Variants in PHEX observed in about 807,000 individuals in gnomAD.
PHEX encodes phosphate-regulating neutral endopeptidase PHEX.
Under a neutral mutation model 68.0 loss-of-function variants are expected in PHEX, and 16 were observed. That is an observed-to-expected ratio of 0.24 (90% CI 0.16 to 0.36). The LOEUF (loss-of-function observed/expected upper bound fraction) is 0.36, where lower values mean the gene tolerates loss of function less well. Ranked by LOEUF, PHEX falls within the 10% of genes least tolerant of loss-of-function variation. PHEX has a pLI of 1.00. For missense variants in PHEX, 480 were observed against 575.5 expected (o/e 0.83, Z 1.70); for synonymous variants, 208 against 205.1 (o/e 1.01, Z -0.12).
In PHEX at chrX:22,099,072, A is replaced by G. The variant is rs1273053106; in HGVS notation, c.1000A>G (p.Ser334Gly). 28 of 1,203,933 alleles carry G rather than the reference A, an allele frequency of 2.3e-5. No homozygotes were observed. Among genetic ancestry groups the G allele is most frequent in the Non-Finnish European group, 3.0e-5 (27 of 890,135 alleles). ...ACTCTACCCCCATCTGAAAGACATC[A>G]GCCCCTCCGAGAATGTGGTGGTCCG... ...TRLYPHLKDI[S>G]PSENVVVRVP... The change falls in exon 9 of 22, where the codon AGC (serine) becomes GGC (glycine). Residue 334 changes from serine to glycine, a missense_variant. Coordinates refer to ENST00000379374, the MANE Select transcript of PHEX (RefSeq NM_000444.6).
At chrX:22,224,995 C>T (rs1569433294) in intron 18 of PHEX, among the ~76,000 whole-genome samples, 19 of 3,028 alleles carry the variant, frequency 6.3e-3, no homozygotes, top group East Asian at 0.016. Context: ...CTCTGTATGT[C>T]AGAAGTCTGA....
Position 22,032,913 on chromosome X carries a change from A to G in PHEX, c.-93A>G. On this transcript the variant is annotated 5_prime_UTR_variant, in exon 1 of 22. Coordinates refer to ENST00000379374, the MANE Select transcript of PHEX (RefSeq NM_000444.6). ...TAAGCTGTCCATTAGTAGAAGAGCAAGAAAGCCTTGGATGTCAACGCCTCG... is the reference window on the plus strand; with the variant it reads ...TAAGCTGTCCATTAGTAGAAGAGCAGGAAAGCCTTGGATGTCAACGCCTCG... 1.6e-6 allele frequency: 1 copy of G among 644,025 alleles called. No individual in the cohort carries two copies. Among genetic ancestry groups the G allele is most frequent in the East Asian group, 3.2e-5 (1 of 31,101 alleles). 53.1% of individuals were successfully genotyped at this position (644,025 alleles called of 1,213,427 possible). A position where few individuals can be genotyped will look rare whatever the true frequency, so the allele number is the denominator to read the frequency against.
intron 5 of PHEX, among the ~76,000 whole-genome samples, chrX:22,089,207 A>C (rs1929752818): frequency 9.0e-6 from 1 of 110,864 alleles, no homozygotes; most frequent in South Asian, 3.8e-4. Context: ...TTTTTAGTAG[A>C]GACTGGGTTT....
chrX:22,115,704 T>C (rs1236835620), intron 11 of PHEX, among the ~76,000 whole-genome samples: 2 of 112,338 alleles, frequency 1.8e-5, no homozygotes, highest in East Asian at 5.6e-4. Flanking sequence ...TGTCTTTCTG[T>C]GCCTGGCTTA....
chrX:22,078,826 G>A (rs1929269001), intron 5 of PHEX, among the ~76,000 whole-genome samples: 1 of 111,638 alleles, frequency 9.0e-6, no homozygotes, highest in Non-Finnish European at 1.9e-5. Flanking sequence ...GTTAGACAAT[G>A]GAATTCTCAG....
intron 18 of PHEX, 80 bp downstream of exon 18, chrX:22,221,823 G>T: frequency 1.1e-6 from 1 of 905,762 alleles, no homozygotes; most frequent in Non-Finnish European, 1.6e-6. Context: ...TAAACCATTG[G>T]TTCTCAAAGC....
intron 1 of PHEX, among the ~76,000 whole-genome samples, chrX:22,036,657 A>G (rs1263424296): frequency 1.8e-5 from 2 of 110,448 alleles, no homozygotes; most frequent in East Asian, 5.7e-4. Flanking sequence ...ATTCCCCCTG[A>G]GGTTCTGCCA....
In PHEX at chrX:22,052,328, A is replaced by G. The variant is rs142019169; in HGVS notation, c.349+5117A>G. ...CTGCAACCTCTGCCTTTTGGGTTCA[A>G]GTGTTTCTCATGCCTCAGCCTCCCA... On this transcript the variant is annotated intron_variant, in intron 3 of 21. Transcript: ENST00000379374. Among the ~76,000 whole-genome samples, 193 of 112,239 alleles carry G rather than the reference A, an allele frequency of 1.7e-3. 3 individuals are homozygous for G. The highest frequency in any genetic ancestry group is 0.011 in the East Asian group (41 of 3,599).
chrX:22,092,682 GT>G (rs908133070), intron 6 of PHEX, among the ~76,000 whole-genome samples: 2 of 104,268 alleles, frequency 1.9e-5, no homozygotes, highest in Non-Finnish European at 4.0e-5. Context: ...CAATAAATAT[GT>G]TTTGAATTGA....
intron 17 of PHEX, 52 bp from the exon 18 acceptor site, chrX:22,221,561 A>G: frequency 9.2e-6 from 10 of 1,090,915 alleles, no homozygotes; most frequent in Non-Finnish European, 1.3e-5. Context: ...AGGAAAGATG[A>G]ATTTAGTTTC....
chrX:22,201,195 G>C (rs902800272), intron 15 of PHEX, among the ~76,000 whole-genome samples: 1 of 110,937 alleles, frequency 9.0e-6, no homozygotes, highest in Non-Finnish European at 1.9e-5. Context: ...TTTTGTTGTT[G>C]TGACAGAGTC....
rs758582124 is a variant in PHEX, at chrX:22,121,657, C to G, written c.1302+7071C>G. On this transcript the variant is annotated intron_variant, in intron 11 of 21. Coordinates refer to ENST00000379374, the MANE Select transcript of PHEX (RefSeq NM_000444.6). ...TAGTTAAAGCAGAGCAAATCTATTA[C>G]ACTTCAGATTCAGATTTTATTAAGT... is the stretch of plus-strand genomic sequence containing the variant. 2.7e-5 allele frequency among the ~76,000 whole-genome samples: 3 copies of G among 112,379 alleles called. No homozygotes were observed. In the South Asian group the frequency reaches 1.1e-3, roughly 42 times the overall value.
intron 20 of PHEX, among the ~76,000 whole-genome samples, chrX:22,241,473 T>G (rs1936192003): frequency 9.1e-6 from 1 of 110,446 alleles, no homozygotes; most frequent in Non-Finnish European, 1.9e-5. Context: ...CTTCAAAACA[T>G]CAATGGATCC....
At chrX:22,245,772 T>G (rs1936373966) in intron 21 of PHEX, among the ~76,000 whole-genome samples, 1 of 111,712 alleles carries the variant, frequency 9.0e-6, no homozygotes, top group African/African-American at 3.3e-5. Context: ...TTTGAAAGAG[T>G]CTCAGTAAAC....
At chrX:22,140,902 C>T (rs1602331235) in intron 12 of PHEX, among the ~76,000 whole-genome samples, 3 of 107,980 alleles carry the variant, frequency 2.8e-5, no homozygotes, top group East Asian at 2.9e-4. Flanking sequence ...CCATAATATC[C>T]GTATGAGGTA....
intron 3 of PHEX, among the ~76,000 whole-genome samples, chrX:22,050,824 C>T (rs1190495727): frequency 9.0e-6 from 1 of 111,543 alleles, no homozygotes; most frequent in East Asian, 2.8e-4. Flanking sequence ...TCTCTTTTAA[C>T]TTATCTTGAT....
chrX:22,109,400 T>G (rs1355800972), intron 9 of PHEX, among the ~76,000 whole-genome samples: 1 of 112,605 alleles, frequency 8.9e-6, no homozygotes, highest in Non-Finnish European at 1.9e-5. Flanking sequence ...TTTTACCTCA[T>G]CTTTTGAAAT....
At chrX:22,085,287 G>A (rs994242239) in intron 5 of PHEX, among the ~76,000 whole-genome samples, 1 of 109,908 alleles carries the variant, frequency 9.1e-6, no homozygotes, top group African/African-American at 3.3e-5. Context: ...TAATTTCCAC[G>A]TGTTTGGCCA....
At position 22,242,881 on chromosome X, in the gene PHEX, A is replaced by T. The variant is rs145006998; in HGVS notation, c.2071-2452A>T. Among the ~76,000 whole-genome samples the T allele has an allele frequency of 8.2e-3, 919 of 111,806 alleles. 6 individuals are homozygous for T. The highest frequency in any genetic ancestry group is 0.013 in the Non-Finnish European group (704 of 53,076). Reference sequence around the variant, plus strand: ...AAGGTAATCTATAGATTCAATGCCAACCCCATCAAGCTACCAATGACTTTC... The same window carrying T: ...AAGGTAATCTATAGATTCAATGCCATCCCCATCAAGCTACCAATGACTTTC... On this transcript the variant is annotated intron_variant, in intron 20 of 21. Transcript: ENST00000379374.
Sources: allele counts gnomAD v4.1 joint callset (sites outside exome capture counted in the v4.1 genomes callset), GRCh38; gene constraint gnomAD v4.1.1; transcripts MANE v1.5; gene names NCBI Gene and HGNC (gene_info 2026-07-23, HGNC 2026-07-21).